Variants in ESRRG observed in about 807,000 individuals in gnomAD.
ESRRG encodes estrogen-related receptor gamma.
A neutral mutation model predicts 44.0 loss-of-function variants in ESRRG; 13 were observed. That is an observed-to-expected ratio of 0.30 (90% confidence interval 0.19 to 0.47). ESRRG has a LOEUF of 0.47. ESRRG is among the 20% of genes least tolerant of loss of function. The probability of loss-of-function intolerance (pLI) is 1.00; values close to 1 mark genes in which losing one functional copy is unlikely to be tolerated. For missense variants in ESRRG, 395 were observed against 580.6 expected (o/e 0.68, Z 3.29); for synonymous variants, 215 against 214.6 (o/e 1.00, Z -0.02).
intron 2 of ESRRG, among the ~76,000 whole-genome samples, chr1:216,902,794 C>T (rs764531489): frequency 6.6e-6 from 1 of 152,200 alleles, no homozygotes; most frequent in South Asian, 2.1e-4. Flanking sequence ...CCTCATGGAA[C>T]ATGCTGATCT....
intron 2 of ESRRG, among the ~76,000 whole-genome samples, chr1:216,852,863 ACTGTCT>A (rs5780934): frequency 0.46 from 69,292 of 151,534 alleles, 17,103 homozygotes; most frequent in African/African-American, 0.65. Context: ...TAATTGTTTG[ACTGTCT>A]CTGTCTTGAA....
chr1:216,917,252 C>T (rs773727091), intron 2 of ESRRG, among the ~76,000 whole-genome samples: 19 of 149,972 alleles, frequency 1.3e-4, no homozygotes, highest in East Asian at 2.0e-4. Flanking sequence ...GGAACTGGAA[C>T]GAGATCATTT....
At chr1:216,539,998 C>A (rs563970378) in intron 5 of ESRRG, among the ~76,000 whole-genome samples, 5 of 151,812 alleles carry the variant, frequency 3.3e-5, no homozygotes, top group Non-Finnish European at 7.4e-5. Flanking sequence ...TTAAAAAAAT[C>A]ATAATTTAAC....
intron 1 of ESRRG, among the ~76,000 whole-genome samples, chr1:217,074,086 C>T (rs1458278185): frequency 2.1e-5 from 3 of 142,742 alleles, no homozygotes; most frequent in East Asian, 2.1e-4. Context: ...CTCACACTGT[C>T]GCCCGGGCTG....
At chr1:216,725,773 G>A (rs1559423886), upstream of ESRRG, among the ~76,000 whole-genome samples, 1 of 152,058 alleles carries the variant, frequency 6.6e-6, no homozygotes, top group Non-Finnish European at 1.5e-5. Flanking sequence ...ATTATTTAAT[G>A]TACTCAATGC....
At chr1:216,859,188 C>T (rs2096006787) in intron 2 of ESRRG, among the ~76,000 whole-genome samples, 2 of 152,028 alleles carry the variant, frequency 1.3e-5, no homozygotes, top group African/African-American at 4.8e-5. Context: ...AAAACACAAA[C>T]AAAATATACA....
intron 5 of ESRRG, among the ~76,000 whole-genome samples, chr1:216,541,958 G>A (rs1301217640): frequency 2.6e-5 from 4 of 151,706 alleles, no homozygotes; most frequent in Admixed American, 2.0e-4. Context: ...GCCATACTTC[G>A]GGAGCCGAGC....
At chr1:216,967,504 AT>A (rs1323598287) in intron 1 of ESRRG, among the ~76,000 whole-genome samples, 1 of 152,090 alleles carries the variant, frequency 6.6e-6, no homozygotes, top group African/African-American at 2.4e-5. Flanking sequence ...GCCTTTTCAA[AT>A]TTGCTTCTTT....
At chr1:216,716,631 G>A (rs2084934128) in intron 1 of ESRRG, among the ~76,000 whole-genome samples, 1 of 151,854 alleles carries the variant, frequency 6.6e-6, no homozygotes, top group Admixed American at 6.6e-5. Flanking sequence ...AAAATGAGAA[G>A]TCACAGAGGA....
chr1:217,035,098 ACAGG>A (rs2082651629), intron 1 of ESRRG, among the ~76,000 whole-genome samples: 1 of 152,154 alleles, frequency 6.6e-6, no homozygotes, highest in Non-Finnish European at 1.5e-5. Flanking sequence ...AGATTTCCTT[ACAGG>A]ACTTGGCCTG....
At chr1:216,817,926 CT>C (rs5780930) in intron 2 of ESRRG, among the ~76,000 whole-genome samples, 48 of 148,738 alleles carry the variant, frequency 3.2e-4, no homozygotes, top group African/African-American at 5.2e-4. Flanking sequence ...TTCTTCAGGG[CT>C]TTTTTTTTTA....
At chr1:216,774,082 C>T (rs1310492902) in intron 2 of ESRRG, among the ~76,000 whole-genome samples, 2 of 152,028 alleles carry the variant, frequency 1.3e-5, no homozygotes, top group African/African-American at 4.8e-5. Flanking sequence ...CCATAGAGGC[C>T]ACATAGCTTA....
rs551892566 is a variant in ESRRG, at chr1:216,754,024, G to A, written c.-13-76533C>T. On this transcript the variant is annotated intron_variant, in intron 2 of 7. Transcript: ENST00000359162. ...GGCATTTGGTTATCCTACCATTGCT[G>A]CTCTCAGGCCTTTTGTCAGAAACCA... is the stretch of plus-strand genomic sequence containing the variant. Among the ~76,000 whole-genome samples, 4 of 152,112 alleles carry A rather than the reference G, an allele frequency of 2.6e-5. No homozygotes were observed. In the East Asian group the frequency reaches 7.8e-4, roughly 29 times the overall value.
At chr1:216,630,472 ACAC>A (rs1470830604) in intron 3 of ESRRG, among the ~76,000 whole-genome samples, 1 of 150,542 alleles carries the variant, frequency 6.6e-6, no homozygotes, top group African/African-American at 2.5e-5. Flanking sequence ...ACACACACAC[ACAC>A]AATTAAATCT....
chr1:216,672,624 T>C (rs1020603891), intron 2 of ESRRG, among the ~76,000 whole-genome samples: 12 of 152,110 alleles, frequency 7.9e-5, no homozygotes, highest in Admixed American at 7.9e-4. Context: ...TCCCAGCACT[T>C]TGGGAGGCTG....
intron 1 of ESRRG, among the ~76,000 whole-genome samples, chr1:216,722,875 A>G (rs2086656829): frequency 6.6e-6 from 1 of 152,194 alleles, no homozygotes; most frequent in African/African-American, 2.4e-5. Context: ...CATTTTGAAT[A>G]TTGTATTTTA....
chr1:217,024,478 C>A (rs2080885987), intron 1 of ESRRG, among the ~76,000 whole-genome samples: 1 of 152,036 alleles, frequency 6.6e-6, no homozygotes, highest in African/African-American at 2.4e-5. Flanking sequence ...TTCCCAATCA[C>A]CCCCTCCACA....
chr1:216,529,261 T>A (rs2149084084), intron 5 of ESRRG, among the ~76,000 whole-genome samples: 1 of 152,162 alleles, frequency 6.6e-6, no homozygotes, highest in East Asian at 1.9e-4. Flanking sequence ...ACCAAAAACA[T>A]TTTTTAATAG....
intron 2 of ESRRG, among the ~76,000 whole-genome samples, chr1:216,657,299 G>A (rs2151156229): frequency 6.6e-6 from 1 of 152,218 alleles, no homozygotes; most frequent in South Asian, 2.1e-4. Context: ...GGAGTTATTT[G>A]TTTTTCAAAG....
Sources: gnomAD v4.1 joint callset for allele counts (sites outside exome capture counted in the v4.1 genomes callset) on GRCh38, gnomAD v4.1.1 for gene constraint, MANE v1.5 for transcripts, NCBI Gene and HGNC (gene_info 2026-07-23, HGNC 2026-07-21) for gene names.